The following GRIN2A variants were observed in gnomAD, a reference collection of about 807,000 sequenced individuals.
The protein encoded by GRIN2A is glutamate receptor ionotropic, NMDA 2A.
Under a neutral mutation model 113.4 loss-of-function variants are expected in GRIN2A, and 22 were observed. The observed-to-expected ratio is 0.19, with a 90% CI of 0.14 to 0.28. The LOEUF is 0.28. Among genes scored for constraint, GRIN2A ranks in the 10% least tolerant of loss-of-function variants. The pLI is 1.00. For synonymous variants in GRIN2A, 827 were observed against 738.4 expected (o/e 1.12, Z -1.94); for missense variants, 1,502 against 1,887.0 (o/e 0.80, Z 3.78).
intron 2 of GRIN2A, among the ~76,000 whole-genome samples, chr16:9,978,408 G>A (rs2045818636): frequency 6.6e-6 from 1 of 152,090 alleles, no homozygotes; most frequent in Admixed American, 6.5e-5. Flanking sequence ...GGTTTATTGT[G>A]ATGATTAACA....
intron 3 of GRIN2A, among the ~76,000 whole-genome samples, chr16:9,930,259 G>A (rs774868419): frequency 6.6e-6 from 1 of 152,108 alleles, no homozygotes; most frequent in African/African-American, 2.4e-5. Flanking sequence ...GCTTGACTAA[G>A]CACAATACCT....
intron 2 of GRIN2A, among the ~76,000 whole-genome samples, chr16:10,135,134 G>T (rs75267051): frequency 0.11 from 17,085 of 152,146 alleles, 1,472 homozygotes; most frequent in East Asian, 0.34. Context: ...AAGAAACCAG[G>T]CTGCCCCTTC....
At chr16:9,782,833 A>C (rs1902011350) in intron 11 of GRIN2A, among the ~76,000 whole-genome samples, 1 of 152,164 alleles carries the variant, frequency 6.6e-6, no homozygotes, top group South Asian at 2.1e-4. Flanking sequence ...TCTGTTTCTT[A>C]ATAAGTACTG....
intron 2 of GRIN2A, among the ~76,000 whole-genome samples, chr16:9,984,903 T>C (rs1039875171): frequency 6.6e-6 from 1 of 152,202 alleles, no homozygotes; most frequent in African/African-American, 2.4e-5. Context: ...TCAAAAACTC[T>C]GCTGCTATCT....
At chr16:10,015,289 AGAAAGGAAAGGAAAAG>A (rs1567235199) in intron 2 of GRIN2A, among the ~76,000 whole-genome samples, 9 of 132,082 alleles carry the variant, frequency 6.8e-5, no homozygotes, top group African/African-American at 1.2e-4. Context: ...AAAAAGAAAA[AGAAAGGAAAGGAAAAG>A]AAAAAAAAGA....
intron 2 of GRIN2A, among the ~76,000 whole-genome samples, chr16:10,077,946 C>G (rs753437103): frequency 2.0e-5 from 3 of 152,168 alleles, no homozygotes; most frequent in African/African-American, 7.2e-5. Context: ...CTGGATCAGA[C>G]AGCTCTGCTT....
At chr16:9,895,020 G>A (rs900068749) in intron 3 of GRIN2A, among the ~76,000 whole-genome samples, 1 of 152,174 alleles carries the variant, frequency 6.6e-6, no homozygotes, top group Non-Finnish European at 1.5e-5. Context: ...CATTAGGCAT[G>A]TTTGAGCATC....
intron 2 of GRIN2A, among the ~76,000 whole-genome samples, chr16:10,035,735 T>C (rs2047013466): frequency 1.3e-5 from 2 of 151,706 alleles, no homozygotes; most frequent in South Asian, 4.2e-4. Flanking sequence ...TTTTTTTTTT[T>C]TTTTTTGAGA....
At position 10,031,099 on chromosome 16, in the gene GRIN2A, C is replaced by T. The variant is rs183500496; in HGVS notation, c.415-92548G>A. On this transcript the variant is annotated intron_variant, in intron 2 of 12. Coordinates refer to ENST00000330684, the MANE Select transcript of GRIN2A (RefSeq NM_001134407.3). ...AGAAGAAGCCTACGCTGGAATCGCACTTAGTTCACGTCACTTCCCAGATCT... is the reference window on the plus strand; with the variant it reads ...AGAAGAAGCCTACGCTGGAATCGCATTTAGTTCACGTCACTTCCCAGATCT... Among the ~76,000 whole-genome samples the T allele has an allele frequency of 1.9e-3, 291 of 152,306 alleles. 1 individual carries two copies. Among genetic ancestry groups the T allele is most frequent in the African/African-American group, 6.7e-3 (279 of 41,564 alleles).
intron 2 of GRIN2A, among the ~76,000 whole-genome samples, chr16:9,959,972 CAAAA>C (rs942583799): frequency 1.3e-4 from 20 of 152,090 alleles, no homozygotes; most frequent in Admixed American, 1.2e-3. Context: ...GATTTCATCT[CAAAA>C]AAACAAACAA....
intron 11 of GRIN2A, among the ~76,000 whole-genome samples, chr16:9,788,484 C>G (rs1363050832): frequency 6.6e-6 from 1 of 152,050 alleles, no homozygotes; most frequent in Non-Finnish European, 1.5e-5. Flanking sequence ...TCTCAAACTC[C>G]TAACCTCGAG....
At chr16:9,868,758 T>C (rs1474382387) in intron 4 of GRIN2A, among the ~76,000 whole-genome samples, 2 of 152,192 alleles carry the variant, frequency 1.3e-5, no homozygotes, top group African/African-American at 4.8e-5. Context: ...CAACTCCTGG[T>C]TCCAGCCCTG....
Position 9,992,982 on chromosome 16 carries a change from A to C in GRIN2A, c.415-54431T>G, listed in dbSNP as rs536220477. Among the ~76,000 whole-genome samples, 45 of 152,230 alleles carry C rather than the reference A, an allele frequency of 3.0e-4. 1 individual carries two copies. Among genetic ancestry groups the C allele is most frequent in the African/African-American group, 1.1e-3 (45 of 41,562 alleles). ...TGTAATCCCAGCGCTTTGGGAGGCCAAGGTGGATGGATCACTTGAGGTCAG... is the reference window on the plus strand; with the variant it reads ...TGTAATCCCAGCGCTTTGGGAGGCCCAGGTGGATGGATCACTTGAGGTCAG... On this transcript the variant is annotated intron_variant, in intron 2 of 12. Coordinates refer to ENST00000330684, the MANE Select transcript of GRIN2A (RefSeq NM_001134407.3).
At chr16:10,018,981 GAAAAAATAT>G (rs1328277524) in intron 2 of GRIN2A, among the ~76,000 whole-genome samples, 1 of 149,478 alleles carries the variant, frequency 6.7e-6, no homozygotes, top group East Asian at 2.0e-4. Context: ...CAAACCTCAA[GAAAAAATAT>G]TTTTTTTGGA....
chr16:9,774,410 C>T (rs1901474834), intron 11 of GRIN2A, among the ~76,000 whole-genome samples: 1 of 152,130 alleles, frequency 6.6e-6, no homozygotes, highest in Non-Finnish European at 1.5e-5. Flanking sequence ...TTAATACACT[C>T]AATATCTGAG....
intron 11 of GRIN2A, among the ~76,000 whole-genome samples, chr16:9,779,540 A>G (rs1287110237): frequency 6.6e-6 from 1 of 152,200 alleles, no homozygotes; most frequent in African/African-American, 2.4e-5. Flanking sequence ...AGGACAGGGA[A>G]GAGAAGGAGG....
At chr16:10,144,920 C>CAAA (rs58751267) in intron 2 of GRIN2A, among the ~76,000 whole-genome samples, 4,620 of 59,210 alleles carry the variant, frequency 0.078, 565 homozygotes, top group African/African-American at 0.091. Context: ...GACCCTGTCT[C>CAAA]AAAAAAAAAA....
At position 10,180,049 on chromosome 16, in the gene GRIN2A, G is replaced by A. The variant is rs145961628; in HGVS notation, c.363C>T (p.Phe121=). The A allele has an allele frequency of 2.5e-6, 4 of 1,614,064 alleles. No homozygotes were observed. Among genetic ancestry groups the A allele is most frequent in the South Asian group, 1.1e-5 (1 of 91,076 alleles). ...CCCCATGAATGCCCAAGATGGGGAC[G>A]AAGGTGTGGGAGGAGATAAAATCCA... ...QMLDFISSHT[F]VPILGIHGGA... Residue 121 remains phenylalanine (F), a synonymous_variant, in exon 2 of 13, where the codon TTC becomes TTT. Coordinates refer to ENST00000330684, the MANE Select transcript of GRIN2A (RefSeq NM_001134407.3). The surrounding 1 kb of genome is among the most constrained non-coding windows in gnomAD (Gnocchi z 7.0).
intron 2 of GRIN2A, among the ~76,000 whole-genome samples, chr16:10,045,231 C>A (rs1361825430): frequency 6.6e-6 from 1 of 152,130 alleles, no homozygotes; most frequent in Non-Finnish European, 1.5e-5. Flanking sequence ...AAATGTATCC[C>A]ACGAGCTCAA....
Sources: allele counts gnomAD v4.1 joint callset (sites outside exome capture counted in the v4.1 genomes callset), GRCh38; gene constraint gnomAD v4.1.1; non-coding constraint Gnocchi (gnomAD v3.1); transcripts MANE v1.5; gene names NCBI Gene and HGNC (gene_info 2026-07-23, HGNC 2026-07-21).